The following BRD1 variants were observed in gnomAD, a reference collection of about 807,000 sequenced individuals.
The protein encoded by BRD1 is bromodomain-containing protein 1.
Under a neutral mutation model 107.7 loss-of-function variants are expected in BRD1, and 24 were observed. That is an observed-to-expected ratio of 0.22 (90% CI 0.16 to 0.31). The LOEUF is 0.31. Ranked by LOEUF, BRD1 falls within the 10% of genes least tolerant of loss-of-function variation. The probability of loss-of-function intolerance (pLI) is 1.00; values close to 1 mark genes in which losing one functional copy is unlikely to be tolerated. For synonymous variants in BRD1, 744 were observed against 686.1 expected (o/e 1.08, Z -1.32); for missense variants, 1,279 against 1,638.6 (o/e 0.78, Z 3.79).
rs767337238 is a variant in BRD1 at position 49,804,187 on chromosome 22, G to A, written c.1524+17C>T. 3 of 1,557,544 alleles carry A rather than the reference G, an allele frequency of 1.9e-6. No homozygotes were observed. In the South Asian group the frequency reaches 3.6e-5, roughly 19 times the overall value. On this transcript the variant is annotated intron_variant, in intron 3 of 12. Coordinates refer to ENST00000404760, the MANE Select transcript of BRD1 (RefSeq NM_001304808.3). ...GTGAGAGACGCAGAAAGGCTGTGGGGGCCACGAGCCACGTACCTGCTGTGA... is the reference window on the plus strand; with the variant it reads ...GTGAGAGACGCAGAAAGGCTGTGGGAGCCACGAGCCACGTACCTGCTGTGA...
At chr22:49,774,955 G>T (rs2059052613) in intron 12 of BRD1, among the ~76,000 whole-genome samples, 1 of 152,260 alleles carries the variant, frequency 6.6e-6, no homozygotes. Flanking sequence ...CCCAAGTGCA[G>T]CCAGCTCCAC....
At position 49,794,095 on chromosome 22, in the gene BRD1, C is replaced by CCTT. The variant is rs1569105994; in HGVS notation, c.2297_2298insAAG (p.Gly766_Pro767insArg). The CCTT allele has an allele frequency of 6.2e-7, 1 of 1,614,202 alleles. No individual in the cohort carries two copies. The highest frequency in any genetic ancestry group is 1.1e-5 in the South Asian group (1 of 91,088). ...CCTCTTCGAAGCCTTCCAAGCCTGGCCCCGTGGGCAGGGGCTGGCTGTGCT... is the reference window on the plus strand; with the variant it reads ...CCTCTTCGAAGCCTTCCAAGCCTGGCCTTCCCGTGGGCAGGGGCTGGCTGTGCT... On this transcript the variant is annotated inframe_insertion, in exon 7 of 13. Coordinates refer to ENST00000404760, the MANE Select transcript of BRD1 (RefSeq NM_001304808.3).
intron 10 of BRD1, among the ~76,000 whole-genome samples, 200 bp from the exon 11 acceptor site, chr22:49,776,359 G>A (rs2146916892): frequency 6.6e-6 from 1 of 152,266 alleles, no homozygotes; most frequent in Admixed American, 6.5e-5. Context: ...CAGCCCACCT[G>A]GGGCCACCAG....
At chr22:49,797,131 G>A (rs2059549944) in intron 6 of BRD1, among the ~76,000 whole-genome samples, 1 of 152,232 alleles carries the variant, frequency 6.6e-6, no homozygotes, top group Admixed American at 6.5e-5. Context: ...GCAGGGTGCA[G>A]GGGACAGCCC....
At chr22:49,800,309 C>A (rs1161866627) in intron 3 of BRD1, among the ~76,000 whole-genome samples, 1 of 152,192 alleles carries the variant, frequency 6.6e-6, no homozygotes, top group Admixed American at 6.5e-5. Flanking sequence ...AGCGTTGCTG[C>A]GCTGATGTCC....
intron 2 of BRD1, among the ~76,000 whole-genome samples, chr22:49,814,289 G>A (rs2059909620): frequency 6.6e-6 from 1 of 152,256 alleles, no homozygotes; most frequent in African/African-American, 2.4e-5. Flanking sequence ...AGCCCCCGGT[G>A]CAGGCCCAGA....
rs1160098438 is a variant in BRD1, at chr22:49,783,196, G to A, written c.2857+4194C>T. 3.3e-5 allele frequency among the ~76,000 whole-genome samples: 5 copies of A among 152,234 alleles called. No homozygotes were observed. Among genetic ancestry groups the A allele is most frequent in the East Asian group, 1.9e-4 (1 of 5,204 alleles). ...GACAGACCCAAGGCCCAGGACAGAC[G>A]CCTGCACAAGATCCCACGCACAGAT... On this transcript the variant is annotated intron_variant, in intron 8 of 12. Transcript: ENST00000404760. This position sits in a 1 kb window ranked among gnomAD's most constrained non-coding sequence, Gnocchi z 4.2.
intron 6 of BRD1, among the ~76,000 whole-genome samples, chr22:49,796,111 G>GA (rs935301485): frequency 1.5e-5 from 2 of 129,304 alleles, no homozygotes; most frequent in Non-Finnish European, 3.3e-5. Context: ...TTTTTTTTTT[G>GA]AGACAGTCTT....
Position 49,803,048 on chromosome 22 carries a change from G to T in BRD1, c.1524+1156C>A, listed in dbSNP as rs937152369. The stretch of plus-strand genomic sequence containing the variant: ...CACGGGAGACCTGGAATATTCCACA[G>T]CCAAGACGCACCAAGGCCGTCAGAA... On this transcript the variant is annotated intron_variant, in intron 3 of 12. Transcript: ENST00000404760. This position sits in a 1 kb window ranked among gnomAD's most constrained non-coding sequence, Gnocchi z 4.4. 6.6e-6 allele frequency among the ~76,000 whole-genome samples: 1 copy of T among 152,212 alleles called. No individual in the cohort carries two copies. The highest frequency in any genetic ancestry group is 2.4e-5 in the African/African-American group (1 of 41,444).
chr22:49,822,104 TAA>T (rs1004602480), intron 2 of BRD1, among the ~76,000 whole-genome samples: 1 of 152,240 alleles, frequency 6.6e-6, no homozygotes, highest in Non-Finnish European at 1.5e-5. Flanking sequence ...CATTCCTTCT[TAA>T]AGTTTAGTCA....
At chr22:49,816,891 G>C (rs921212617) in intron 2 of BRD1, among the ~76,000 whole-genome samples, 1 of 152,236 alleles carries the variant, frequency 6.6e-6, no homozygotes, top group Non-Finnish European at 1.5e-5. Flanking sequence ...CGCCACCCAA[G>C]GCCCTTAGCA....
chr22:49,791,025 A>G (rs533277244), intron 7 of BRD1, among the ~76,000 whole-genome samples: 1 of 152,324 alleles, frequency 6.6e-6, no homozygotes, highest in East Asian at 1.9e-4. Flanking sequence ...GCTCCTCCTG[A>G]CTGCACTGAC....
intron 1 of BRD1, chr22:49,826,096 G>C (rs1053229405): frequency 1.1e-6 from 1 of 899,094 alleles, no homozygotes; most frequent in African/African-American, 1.8e-5. Context: ...GTGCACCCGG[G>C]ACGCCGACAC....
intron 8 of BRD1, among the ~76,000 whole-genome samples, chr22:49,781,674 G>C (rs1359858425): frequency 6.6e-6 from 1 of 152,234 alleles, no homozygotes; most frequent in Non-Finnish European, 1.5e-5. Flanking sequence ...AAGCTTGGCC[G>C]TATGAAGCAG....
chr22:49,775,931 C>A (rs948234780), intron 11 of BRD1, 119 bp downstream of exon 11: 6 of 1,193,642 alleles, frequency 5.0e-6, no homozygotes, highest in Non-Finnish European at 7.1e-6. Context: ...ACCAACCCCG[C>A]CCCCCCGCCA....
At chr22:49,789,971 GTC>G (rs1242008209) in intron 7 of BRD1, among the ~76,000 whole-genome samples, 1 of 152,244 alleles carries the variant, frequency 6.6e-6, no homozygotes, top group Non-Finnish European at 1.5e-5. Flanking sequence ...CTGTGGCCCT[GTC>G]TCAGCCATGC....
chr22:49,777,330 CA>C (rs1398776782), intron 9 of BRD1, among the ~76,000 whole-genome samples, 169 bp from the exon 10 acceptor site: 2 of 152,210 alleles, frequency 1.3e-5, no homozygotes, highest in South Asian at 4.1e-4. Context: ...GAACCTGTGG[CA>C]GGGGGGACTC....
chr22:49,776,198 G>A, intron 10 of BRD1, 39 bp from the exon 11 acceptor site: 2 of 1,559,380 alleles, frequency 1.3e-6, no homozygotes, highest in Non-Finnish European at 1.7e-6. Flanking sequence ...GGCGTCAGCA[G>A]GACACGGGGC....
At chr22:49,815,041 C>T (rs1419611455) in intron 2 of BRD1, among the ~76,000 whole-genome samples, 3 of 152,186 alleles carry the variant, frequency 2.0e-5, no homozygotes, top group African/African-American at 4.8e-5. Context: ...CAGGGCAGAG[C>T]TGTCTAAATG....
Sources: gnomAD v4.1 joint callset for allele counts (sites outside exome capture counted in the v4.1 genomes callset) on GRCh38, gnomAD v4.1.1 for gene constraint, Gnocchi (gnomAD v3.1) non-coding constraint, MANE v1.5 for transcripts, NCBI Gene and HGNC (gene_info 2026-07-23, HGNC 2026-07-21) for gene names.